The following KAZN variants were observed in gnomAD, a reference collection of about 807,000 sequenced individuals.
KAZN encodes kazrin, periplakin interacting protein.
A neutral mutation model predicts 87.4 loss-of-function variants in KAZN; 40 were observed. That is an observed-to-expected ratio of 0.46 (90% confidence interval 0.36 to 0.60). KAZN has a LOEUF of 0.60. Ranked by LOEUF, KAZN falls within the 20% of genes least tolerant of loss-of-function variation. The pLI is 0.00. For missense variants in KAZN, 898 were observed against 1,073.9 expected (o/e 0.84, Z 2.29); for synonymous variants, 466 against 458.3 (o/e 1.02, Z -0.22).
chr1:14,825,379 G>A (rs898301080), intron 1 of KAZN, among the ~76,000 whole-genome samples: 1 of 152,014 alleles, frequency 6.6e-6, no homozygotes, highest in African/African-American at 2.4e-5. Context: ...TATCTTTCTC[G>A]CTCTTTTTCA....
intron 1 of KAZN, among the ~76,000 whole-genome samples, chr1:13,897,776 G>T (rs1295890521): frequency 6.6e-6 from 1 of 152,230 alleles, no homozygotes. Context: ...AATGTGTCTT[G>T]TCTCGCTCAA....
At chr1:15,009,600 T>A (rs953337582) in intron 2 of KAZN, among the ~76,000 whole-genome samples, 1 of 152,180 alleles carries the variant, frequency 6.6e-6, no homozygotes, top group African/African-American at 2.4e-5. Context: ...GGGACAGCTG[T>A]CAGCTCCATA....
chr1:14,599,368 A>G lies in KAZN; in HGVS notation c.226+145A>G. ...TAACCCTTTCCGCCCGGCGGTGGCCACCGCTGCTCTCCGGCTGGGAGTTGC... is the reference window on the plus strand; with the variant it reads ...TAACCCTTTCCGCCCGGCGGTGGCCGCCGCTGCTCTCCGGCTGGGAGTTGC... On this transcript the variant is annotated intron_variant, in intron 1 of 14. Transcript: ENST00000376030. This position sits in a 1 kb window ranked among gnomAD's most constrained non-coding sequence, Gnocchi z 4.4. 1 of 870,946 alleles carries G rather than the reference A, an allele frequency of 1.1e-6. No individual in the cohort carries two copies. Among genetic ancestry groups the G allele is most frequent in the South Asian group, 5.3e-5 (1 of 18,870 alleles). 54.0% of individuals were successfully genotyped at this position (870,946 alleles called of 1,614,324 possible).
At position 14,686,438 on chromosome 1, in the gene KAZN, G is replaced by A. The variant is rs149262643; in HGVS notation, c.226+87215G>A. Among the ~76,000 whole-genome samples the A allele has an allele frequency of 6.2e-3, 947 of 152,330 alleles. 10 individuals carry two copies. Among genetic ancestry groups the A allele is most frequent in the East Asian group, 0.035 (184 of 5,190 alleles). The stretch of plus-strand genomic sequence containing the variant: ...CCCACATTGCTGGGAGGGATTCAAG[G>A]CAGATATATGTGGTCCCCTCGCCTC... On this transcript the variant is annotated intron_variant, in intron 1 of 14. Transcript: ENST00000376030.
intron 2 of KAZN, among the ~76,000 whole-genome samples, chr1:14,438,469 G>A (rs1340389800): frequency 6.6e-6 from 1 of 152,216 alleles, no homozygotes; most frequent in Admixed American, 6.5e-5. Flanking sequence ...AGATTCATGT[G>A]GAGGCAAGAG....
chr1:14,237,216 GT>G (rs1557584000), intron 2 of KAZN, among the ~76,000 whole-genome samples: 1 of 152,102 alleles, frequency 6.6e-6, no homozygotes, highest in African/African-American at 2.4e-5. Flanking sequence ...TATTCTTAAC[GT>G]GAAAACTGTA....
intron 12 of KAZN, 42 bp downstream of exon 12, chr1:15,103,502 ACAAACCC>A: frequency 7.8e-7 from 1 of 1,284,112 alleles, no homozygotes; most frequent in Non-Finnish European, 1.1e-6. Flanking sequence ...TCGGGCATAC[ACAAACCC>A]CATGCAAATC....
At position 14,257,156 on chromosome 1, in the gene KAZN, T is replaced by C. The variant is rs555596557; in HGVS notation, c.249+76564T>C. ...TATGTCCTTATTTTTAAAGGCATCA[T>C]TGAAAAGAAGGGGGAAGGGATGATA... On this transcript the variant is annotated intron_variant, in intron 2 of 16. Transcript: ENST00000636203. 1.0e-3 allele frequency among the ~76,000 whole-genome samples: 155 copies of C among 152,336 alleles called. 2 individuals carry two copies. Among genetic ancestry groups the C allele is most frequent in the African/African-American group, 3.6e-3 (149 of 41,570 alleles).
intron 2 of KAZN, among the ~76,000 whole-genome samples, chr1:14,587,985 G>A (rs1675961652): frequency 6.6e-6 from 1 of 152,164 alleles, no homozygotes; most frequent in African/African-American, 2.4e-5. Context: ...CAGAAAAGTA[G>A]TAAGAGGGGG....
At chr1:14,506,904 G>C (rs961457131) in intron 2 of KAZN, among the ~76,000 whole-genome samples, 1 of 152,212 alleles carries the variant, frequency 6.6e-6, no homozygotes, top group African/African-American at 2.4e-5. Context: ...AAAGGAGGCT[G>C]TCTGTATTGG....
chr1:15,095,689 GTCCT>G (rs1557795087), intron 10 of KAZN, among the ~76,000 whole-genome samples: 1 of 141,880 alleles, frequency 7.0e-6, no homozygotes, highest in East Asian at 2.2e-4. Context: ...GCATAATTAT[GTCCT>G]TCACTGGTTT....
intron 1 of KAZN, among the ~76,000 whole-genome samples, chr1:14,854,051 C>T (rs1284491991): frequency 6.6e-6 from 1 of 152,124 alleles, no homozygotes; most frequent in Non-Finnish European, 1.5e-5. Flanking sequence ...TGTGGAAGAC[C>T]CTTTACAAGC....
chr1:14,567,335 G>A (rs912022474), intron 2 of KAZN, among the ~76,000 whole-genome samples: 1 of 152,056 alleles, frequency 6.6e-6, no homozygotes, highest in African/African-American at 2.4e-5. Context: ...TGTGGTTCAT[G>A]GCACCCCAAA....
At chr1:15,017,841 G>A (rs780445376) in intron 2 of KAZN, among the ~76,000 whole-genome samples, 14 of 151,790 alleles carry the variant, frequency 9.2e-5, no homozygotes, top group Non-Finnish European at 1.5e-4. Context: ...GGGATACCCC[G>A]ATGTCACCCC....
chr1:14,074,360 A>G (rs1270161102), intron 1 of KAZN, among the ~76,000 whole-genome samples: 1 of 152,102 alleles, frequency 6.6e-6, no homozygotes, highest in Non-Finnish European at 1.5e-5. Flanking sequence ...ATACATGTGG[A>G]TATCCTAACC....
At chr1:14,859,818 C>T (rs981393864) in intron 1 of KAZN, among the ~76,000 whole-genome samples, 2 of 152,176 alleles carry the variant, frequency 1.3e-5, no homozygotes, top group African/African-American at 2.4e-5. Context: ...ACTATTTCCC[C>T]TTAGCGCTCT....
intron 1 of KAZN, among the ~76,000 whole-genome samples, chr1:13,895,460 T>A (rs982857959): frequency 2.6e-5 from 4 of 152,000 alleles, no homozygotes; most frequent in Non-Finnish European, 4.4e-5. Context: ...GCCTCTTTTT[T>A]AAAAAAACAT....
At chr1:14,124,049 CT>C (rs1348461368) in intron 1 of KAZN, among the ~76,000 whole-genome samples, 2 of 152,188 alleles carry the variant, frequency 1.3e-5, no homozygotes, top group Non-Finnish European at 2.9e-5. Flanking sequence ...CGACTTTTCC[CT>C]CCATTTCCAA....
chr1:14,267,218 G>T (rs1651551092), intron 2 of KAZN, among the ~76,000 whole-genome samples: 1 of 151,680 alleles, frequency 6.6e-6, no homozygotes, highest in African/African-American at 2.4e-5. Flanking sequence ...TATTTACATA[G>T]AATTTACATT....
Sources: allele counts gnomAD v4.1 joint callset (sites outside exome capture counted in the v4.1 genomes callset), GRCh38; gene constraint gnomAD v4.1.1; non-coding constraint Gnocchi (gnomAD v3.1); transcripts MANE v1.5; gene names NCBI Gene and HGNC (gene_info 2026-07-23, HGNC 2026-07-21).